EXOC5: variants seen among roughly 807,000 people sequenced by gnomAD.
The protein encoded by EXOC5 is SEC10-like 1.
A neutral mutation model predicts 90.8 loss-of-function variants in EXOC5; 17 were observed. The observed-to-expected ratio is 0.19, with a 90% CI of 0.13 to 0.28. The LOEUF (loss-of-function observed/expected upper bound fraction) is 0.28. EXOC5 is among the 10% of genes least tolerant of loss of function. The pLI, the probability that EXOC5 is intolerant of heterozygous loss-of-function variation, is 1.00. For synonymous variants in EXOC5, 260 were observed against 270.0 expected, an observed-to-expected ratio of 0.96 and a Z score of 0.36; for missense variants, 569 against 830.6, an observed-to-expected ratio of 0.69 and a Z score of 3.87.
At chr14:57,213,062 G>A (rs909497553) in intron 15 of EXOC5, among the ~76,000 whole-genome samples, 1 of 151,438 alleles carries the variant, frequency 6.6e-6, no homozygotes, top group Non-Finnish European at 1.5e-5. Flanking sequence ...CACTTACACC[G>A]CCATCCTGTT....
At chr14:57,262,745 G>GTGTGTATATATATACGTATATATATA (rs146684239) in intron 1 of EXOC5, among the ~76,000 whole-genome samples, 28,899 of 146,756 alleles carry the variant, frequency 0.2, 5,099 homozygotes, top group African/African-American at 0.48. Flanking sequence ...ATATATGTGT[G>GTGTGTATATATATACGTATATATATA]TGTGTATATA....
chr14:57,217,101 T>C (rs182006196), intron 15 of EXOC5, among the ~76,000 whole-genome samples: 66 of 152,232 alleles, frequency 4.3e-4, no homozygotes, highest in Admixed American at 1.9e-3. Context: ...AAAAAGGCAA[T>C]AGATAACAAG....
rs544298337 is a variant in EXOC5, at chr14:57,236,339, G to C, written c.560-519C>G. ...TTTCTCTGTGTCACCCAGTCAAAGT[G>C]CAGTGGCGCGATCTCGGCTCACTGC... is the stretch of plus-strand genomic sequence containing the variant. On this transcript the variant is annotated intron_variant, in intron 6 of 17. Transcript: ENST00000621441. Among the ~76,000 whole-genome samples the C allele has an allele frequency of 3.5e-5, 5 of 142,512 alleles. No homozygotes were observed. The East Asian group carries it at 1.0e-3, about 30-fold the overall frequency. 93.5% of individuals were successfully genotyped at this position (142,512 alleles called of 152,430 possible). A position where few individuals can be genotyped will look rare whatever the true frequency, so the allele number is the denominator to read the frequency against.
chr14:57,210,339 A>T (rs920345598), intron 15 of EXOC5, among the ~76,000 whole-genome samples: 12 of 152,196 alleles, frequency 7.9e-5, no homozygotes, highest in Non-Finnish European at 1.6e-4. Context: ...CATTAATTTA[A>T]TTCCTTAACA....
chr14:57,238,253 C>G (rs973221520), intron 5 of EXOC5, among the ~76,000 whole-genome samples: 1 of 142,810 alleles, frequency 7.0e-6, no homozygotes, highest in Non-Finnish European at 1.5e-5. Flanking sequence ...CACACACACA[C>G]ACTCATATTC....
rs1882491484 is a variant in EXOC5 at position 57,201,313 on chromosome 14, C to T, written c.*7296G>A. ...CACAGGAGACAACCTGAAGAGGCTACTTCTGACCAAATTTGGGATAATTTG... is the reference window on the plus strand; with the variant it reads ...CACAGGAGACAACCTGAAGAGGCTATTTCTGACCAAATTTGGGATAATTTG... On this transcript the variant is annotated 3_prime_UTR_variant, in exon 18 of 18. Coordinates refer to ENST00000621441, the MANE Select transcript of EXOC5 (RefSeq NM_006544.4). The T allele has an allele frequency of 6.6e-6, 1 of 151,702 alleles. No individual in the cohort carries two copies. Among genetic ancestry groups the T allele is most frequent in the Non-Finnish European group, 1.5e-5 (1 of 67,970 alleles). 9.4% of individuals were successfully genotyped at this position (151,702 alleles called of 1,614,324 possible).
At chr14:57,213,042 A>G (rs918296000) in intron 15 of EXOC5, among the ~76,000 whole-genome samples, 2 of 151,912 alleles carry the variant, frequency 1.3e-5, no homozygotes, top group Non-Finnish European at 2.9e-5. Flanking sequence ...CTCTTCTGTA[A>G]GACATTTCAC....
intron 1 of EXOC5, among the ~76,000 whole-genome samples, chr14:57,266,540 A>G (rs1884672999): frequency 6.6e-6 from 1 of 152,172 alleles, no homozygotes; most frequent in Admixed American, 6.5e-5. Flanking sequence ...CAAGAAAAAA[A>G]GTCACGTCAG....
At chr14:57,238,583 A>G (rs954495518) in intron 5 of EXOC5, among the ~76,000 whole-genome samples, 2 of 151,748 alleles carry the variant, frequency 1.3e-5, no homozygotes. Context: ...GTTAAAGAGA[A>G]GTTTTGGTGG....
chr14:57,249,485 AC>A (rs1354075893), intron 1 of EXOC5, among the ~76,000 whole-genome samples: 3 of 152,178 alleles, frequency 2.0e-5, no homozygotes, highest in Non-Finnish European at 4.4e-5. Context: ...GTATTTACTG[AC>A]AAAAAATTAA....
chr14:57,254,277 A>C (rs1001279287), intron 1 of EXOC5, among the ~76,000 whole-genome samples: 1 of 151,980 alleles, frequency 6.6e-6, no homozygotes, highest in Non-Finnish European at 1.5e-5. Context: ...TCTACTAAAA[A>C]CACAAAAATT....
In EXOC5 at chr14:57,205,510, T is replaced by C. The variant is rs902363238; in HGVS notation, c.*3099A>G. On this transcript the variant is annotated 3_prime_UTR_variant, in exon 18 of 18. Coordinates refer to ENST00000621441, the MANE Select transcript of EXOC5 (RefSeq NM_006544.4). ...CTGTCTCTCAAACACAGTTCAAGCATGCCTTAGCCACTACCTTAGGTACTT... is the reference window on the plus strand; with the variant it reads ...CTGTCTCTCAAACACAGTTCAAGCACGCCTTAGCCACTACCTTAGGTACTT... 1 of 215,136 alleles carries C rather than the reference T, an allele frequency of 4.6e-6. No homozygotes were observed. The highest frequency in any genetic ancestry group is 9.3e-6 in the Non-Finnish European group (1 of 107,980). The allele number at this position is 215,136 out of a possible 1,614,324, so 13.3% of individuals were successfully genotyped here.
intron 6 of EXOC5, among the ~76,000 whole-genome samples, chr14:57,237,115 G>A (rs959773348): frequency 5.3e-5 from 8 of 151,876 alleles, no homozygotes; most frequent in Admixed American, 3.3e-4. Context: ...TAGAATTTAT[G>A]TCTTATGCTT....
At chr14:57,239,933 A>G (rs1883806566) in intron 4 of EXOC5, among the ~76,000 whole-genome samples, 3 of 152,160 alleles carry the variant, frequency 2.0e-5, no homozygotes, top group Admixed American at 2.0e-4. Flanking sequence ...TCCCAATGAA[A>G]CCTGTAGTTC....
chr14:57,259,488 TC>T (rs1884439655), intron 1 of EXOC5, among the ~76,000 whole-genome samples: 2 of 152,240 alleles, frequency 1.3e-5, no homozygotes, highest in South Asian at 4.2e-4. Context: ...CAGCCACACT[TC>T]CGTCAGACTA....
At chr14:57,260,699 A>T (rs909451790) in intron 1 of EXOC5, among the ~76,000 whole-genome samples, 1 of 152,176 alleles carries the variant, frequency 6.6e-6, no homozygotes, top group African/African-American at 2.4e-5. Flanking sequence ...AATGTTCTTT[A>T]AATATCATCA....
intron 10 of EXOC5, 43 bp downstream of exon 10, chr14:57,232,623 TA>T: frequency 1.2e-6 from 1 of 857,130 alleles, no homozygotes; most frequent in Non-Finnish European, 1.8e-6. Flanking sequence ...CAAAAAAATT[TA>T]AAAAATCTGT....
At chr14:57,242,556 A>C (rs557705938) in intron 4 of EXOC5, among the ~76,000 whole-genome samples, 1 of 152,288 alleles carries the variant, frequency 6.6e-6, no homozygotes, top group South Asian at 2.1e-4. Flanking sequence ...GATGCCAAAA[A>C]AGAACAATTA....
chr14:57,256,844 T>C (rs1884361510), intron 1 of EXOC5, among the ~76,000 whole-genome samples: 1 of 152,220 alleles, frequency 6.6e-6, no homozygotes, highest in Admixed American at 6.5e-5. Context: ...CAGGTCATTT[T>C]AGTTTCAGAC....
Sources: gnomAD v4.1 joint callset for allele counts (sites outside exome capture counted in the v4.1 genomes callset) on GRCh38, gnomAD v4.1.1 for gene constraint, MANE v1.5 for transcripts, NCBI Gene and HGNC (gene_info 2026-07-23, HGNC 2026-07-21) for gene names.